CCDC33: variants seen among roughly 807,000 people sequenced by gnomAD.
The protein encoded by CCDC33 is coiled-coil domain containing 33.
In CCDC33, 94 loss-of-function variants were observed where a neutral mutation model predicts 91.9. The observed-to-expected ratio is 1.02, with a 90% CI of 0.87 to 1.21. The LOEUF is 1.21. Among genes scored for constraint, CCDC33 ranks in the 50% most tolerant of loss-of-function variants. The pLI is 0.00. For synonymous variants in CCDC33, 396 were observed against 374.5 expected (o/e 1.06, Z -0.66); for missense variants, 940 against 935.5 (o/e 1.00, Z -0.06).
chr15:74,229,398 C>T (rs999094273), intron 2 of CCDC33, among the ~76,000 whole-genome samples: 15 of 152,216 alleles, frequency 9.9e-5, no homozygotes, highest in South Asian at 2.1e-4. Context: ...GAGGCCAAGG[C>T]GGGGGAATCG....
At chr15:74,300,801 G>C (rs577444489) in intron 11 of CCDC33, 2 of 153,106 alleles carry the variant, frequency 1.3e-5, no homozygotes, top group African/African-American at 4.8e-5. Flanking sequence ...CATCCCCATG[G>C]CTCACTAAGC....
chr15:74,283,726 G>T (rs546186642), intron 10 of CCDC33, among the ~76,000 whole-genome samples: 2 of 152,080 alleles, frequency 1.3e-5, no homozygotes, highest in African/African-American at 4.8e-5. Flanking sequence ...GGAAAAGAAA[G>T]GGGATCAGGA....
At chr15:74,262,898 C>G (rs1413631724) in intron 3 of CCDC33, among the ~76,000 whole-genome samples, 1 of 152,138 alleles carries the variant, frequency 6.6e-6, no homozygotes, top group Non-Finnish European at 1.5e-5. Context: ...CACGTCCCCA[C>G]ACATCACTCA....
intron 2 of CCDC33, among the ~76,000 whole-genome samples, chr15:74,249,074 T>G (rs1258181337): frequency 6.6e-6 from 1 of 152,070 alleles, no homozygotes; most frequent in Non-Finnish European, 1.5e-5. Context: ...CCCCCCACCC[T>G]CCCTGCTTAG....
chr15:74,204,708 G>A (rs916784797), intron 1 of CCDC33, among the ~76,000 whole-genome samples: 11 of 152,176 alleles, frequency 7.2e-5, no homozygotes, highest in African/African-American at 2.7e-4. Context: ...CGAGGCAGGT[G>A]GATCACCTGA....
intron 7 of CCDC33, 96 bp downstream of exon 7, chr15:74,272,987 T>G: frequency 1.3e-6 from 2 of 1,495,364 alleles, no homozygotes; most frequent in South Asian, 2.4e-5. Flanking sequence ...CCCTTGACTA[T>G]CGAGTAAGAG....
chr15:74,298,869 C>A (rs1275815948), intron 11 of CCDC33, among the ~76,000 whole-genome samples: 3 of 152,012 alleles, frequency 2.0e-5, no homozygotes, highest in Non-Finnish European at 4.4e-5. Flanking sequence ...GGCGCCACCA[C>A]GCCCGGCTAA....
chr15:74,246,298 G>A (rs535787284), intron 2 of CCDC33, among the ~76,000 whole-genome samples: 5 of 152,294 alleles, frequency 3.3e-5, no homozygotes, highest in African/African-American at 1.2e-4. Context: ...GGAAGTACAG[G>A]CAACAGAATC....
chr15:74,260,954 TCCCA>T (rs2076007069), intron 2 of CCDC33, among the ~76,000 whole-genome samples: 1 of 152,218 alleles, frequency 6.6e-6, no homozygotes, highest in Non-Finnish European at 1.5e-5. Context: ...TTCGTTTCCT[TCCCA>T]CAACCGCCCT....
intron 11 of CCDC33, among the ~76,000 whole-genome samples, chr15:74,317,655 G>C (rs2060116204): frequency 6.6e-6 from 1 of 152,190 alleles, no homozygotes; most frequent in African/African-American, 2.4e-5. Context: ...TGAAGTCCCA[G>C]TGCTGGTCAG....
At chr15:74,328,524 C>G (rs1418774109) in intron 11 of CCDC33, among the ~76,000 whole-genome samples, 2 of 152,234 alleles carry the variant, frequency 1.3e-5, no homozygotes, top group South Asian at 4.1e-4. Flanking sequence ...GGTCTCTAGA[C>G]AGAGTCTCTC....
chr15:74,211,998 C>T (rs2074372996), intron 2 of CCDC33: 1 of 152,634 alleles, frequency 6.6e-6, no homozygotes, highest in Non-Finnish European at 1.5e-5. Flanking sequence ...TTGTGTCTCT[C>T]CTCCTAAAGG....
chr15:74,253,931 G>A (rs1272932541), intron 2 of CCDC33, among the ~76,000 whole-genome samples: 1 of 152,084 alleles, frequency 6.6e-6, no homozygotes, highest in Admixed American at 6.6e-5. Context: ...GCCCAGGCTG[G>A]TTCAAACTCC....
intron 11 of CCDC33, among the ~76,000 whole-genome samples, chr15:74,320,253 G>A (rs1266444349): frequency 6.6e-6 from 1 of 152,128 alleles, no homozygotes; most frequent in East Asian, 1.9e-4. Context: ...ACAGACCTGT[G>A]TACTTTGCTG....
chr15:74,285,283 C>T (rs1225288927), intron 10 of CCDC33, among the ~76,000 whole-genome samples: 1 of 152,212 alleles, frequency 6.6e-6, no homozygotes, highest in East Asian at 1.9e-4. Context: ...TTCCCCACAC[C>T]CGCCACTACC....
chr15:74,204,961 G>T (rs1303135945), intron 1 of CCDC33, among the ~76,000 whole-genome samples: 1 of 151,122 alleles, frequency 6.6e-6, no homozygotes, highest in East Asian at 1.9e-4. Context: ...AGAAAGAAAA[G>T]AAACCATCCT....
chr15:74,210,436 A>T (rs945544226), intron 2 of CCDC33, among the ~76,000 whole-genome samples: 1 of 152,230 alleles, frequency 6.6e-6, no homozygotes, highest in African/African-American at 2.4e-5. Flanking sequence ...GTTGCTGAAC[A>T]ATACATAAAT....
intron 2 of CCDC33, among the ~76,000 whole-genome samples, chr15:74,248,276 T>C (rs2075598939): frequency 6.6e-6 from 1 of 151,460 alleles, no homozygotes; most frequent in Non-Finnish European, 1.5e-5. Context: ...TTTTTATTTG[T>C]CAATTATGCC....
chr15:74,268,487 T>TC (rs1595986791), intron 5 of CCDC33, 29 bp downstream of exon 5: 1 of 1,230,892 alleles, frequency 8.1e-7, no homozygotes, highest in South Asian at 1.3e-5. Context: ...TCTGGGGTGG[T>TC]GGTGGGGGTG....
Sources: gnomAD v4.1 joint callset for allele counts (sites outside exome capture counted in the v4.1 genomes callset) on GRCh38, gnomAD v4.1.1 for gene constraint, MANE v1.5 for transcripts, NCBI Gene and HGNC (gene_info 2026-07-23, HGNC 2026-07-21) for gene names.